FBXO34: variants seen among roughly 807,000 people sequenced by gnomAD.
FBXO34 encodes F-box only protein 34.
Under a neutral mutation model 24.5 loss-of-function variants are expected in FBXO34, and 12 were observed. That is an observed-to-expected ratio of 0.49 (90% CI 0.31 to 0.79). The LOEUF is 0.79. Among genes scored for constraint, FBXO34 ranks in the 30% least tolerant of loss-of-function variants. The pLI is 0.04. For synonymous variants in FBXO34, 320 were observed against 311.9 expected (o/e 1.03, Z -0.27); for missense variants, 823 against 857.7 (o/e 0.96, Z 0.51).
chr14:55,271,690 G>T (rs1881149495), intron 1 of FBXO34, among the ~76,000 whole-genome samples, 153 bp downstream of exon 1: 1 of 150,138 alleles, frequency 6.7e-6, no homozygotes, highest in Non-Finnish European at 1.5e-5. Context: ...CCGCCCGCGG[G>T]TCCGGGGTAG....
the FBXO34 span, among the ~76,000 whole-genome samples, chr14:55,403,083 T>A: frequency 6.7e-6 from 1 of 149,616 alleles, no homozygotes; most frequent in Non-Finnish European, 1.5e-5. Flanking sequence ...TCCTACACTA[T>A]ACTTTGGCCT....
intron 1 of FBXO34, among the ~76,000 whole-genome samples, chr14:55,291,688 T>C (rs2139678596): frequency 6.6e-6 from 1 of 151,936 alleles, no homozygotes; most frequent in East Asian, 1.9e-4. Flanking sequence ...CCCAACAAAT[T>C]AGACAGGTGT....
the FBXO34 span, among the ~76,000 whole-genome samples, chr14:55,406,645 C>T: frequency 6.6e-6 from 1 of 152,088 alleles, no homozygotes; most frequent in Non-Finnish European, 1.5e-5. Flanking sequence ...GCTATTAGAA[C>T]AATGGTCCTG....
chr14:55,412,701 G>A, the FBXO34 span, among the ~76,000 whole-genome samples: 2 of 152,152 alleles, frequency 1.3e-5, no homozygotes, highest in East Asian at 1.9e-4. Flanking sequence ...ATTTTACTAG[G>A]CTATCTACTG....
the FBXO34 span, among the ~76,000 whole-genome samples, chr14:55,412,773 TC>T: frequency 3.0e-4 from 45 of 152,294 alleles, no homozygotes; most frequent in Non-Finnish European, 4.6e-4. Context: ...TACCCAAAGA[TC>T]CAGAACTACT....
the FBXO34 span, chr14:55,411,796 G>C: frequency 6.3e-6 from 10 of 1,599,508 alleles, no homozygotes; most frequent in African/African-American, 6.7e-5. Context: ...CCAGCGCCCG[G>C]GCTCCCTTCC....
the FBXO34 span, chr14:55,424,335 G>A: frequency 2.4e-6 from 2 of 838,696 alleles, no homozygotes; most frequent in South Asian, 1.8e-5. Flanking sequence ...GTATATTAAA[G>A]TGCATATTAA....
At chr14:55,359,213 C>A (rs1364233943) in intron 3 of FBXO34, among the ~76,000 whole-genome samples, 4 of 152,136 alleles carry the variant, frequency 2.6e-5, no homozygotes, top group African/African-American at 9.7e-5. Context: ...CCCCCCAGCT[C>A]TTCTTCAGCT....
the FBXO34 span, chr14:55,377,919 A>C: frequency 2.5e-6 from 4 of 1,595,780 alleles, no homozygotes; most frequent in Non-Finnish European, 2.6e-6. Flanking sequence ...AAAAAATTAA[A>C]GAATTGGTTA....
chr14:55,411,317 C>T, the FBXO34 span, among the ~76,000 whole-genome samples: 1 of 152,232 alleles, frequency 6.6e-6, no homozygotes, highest in Non-Finnish European at 1.5e-5. Context: ...GAAAACTTCT[C>T]CAGAGAGTCA....
chr14:55,298,939 C>T, intron 1 of FBXO34: 1 of 1,581,816 alleles, frequency 6.3e-7, no homozygotes, highest in Non-Finnish European at 8.7e-7. Flanking sequence ...AACATGGGCT[C>T]TGCAGCCAAG....
chr14:55,322,345 C>G (rs936289432), intron 1 of FBXO34, among the ~76,000 whole-genome samples: 1 of 150,550 alleles, frequency 6.6e-6, no homozygotes, highest in Non-Finnish European at 1.5e-5. Context: ...CAAGCAACAA[C>G]AACAACAAAA....
the FBXO34 span, among the ~76,000 whole-genome samples, chr14:55,430,345 C>T: frequency 7.0e-6 from 1 of 142,774 alleles, no homozygotes; most frequent in Non-Finnish European, 1.5e-5. Context: ...CTTGGGTATT[C>T]GTTACTACAT....
chr14:55,336,985 T>A (rs201030962), intron 1 of FBXO34, among the ~76,000 whole-genome samples: 21,715 of 141,186 alleles, frequency 0.15, 4,480 homozygotes, highest in African/African-American at 0.46. Flanking sequence ...TTTTATTTTT[T>A]TTTTTTTTTT....
At chr14:55,393,632 C>A in the FBXO34 span, among the ~76,000 whole-genome samples, 1 of 151,306 alleles carries the variant, frequency 6.6e-6, no homozygotes, top group Non-Finnish European at 1.5e-5. Flanking sequence ...TTCAGCCTGA[C>A]CTCCCTGGCT....
At chr14:55,438,977 G>T in the FBXO34 span, 1 of 134,238 alleles carries the variant, frequency 7.4e-6, no homozygotes, top group Non-Finnish European at 1.5e-5. Flanking sequence ...TCACTCTGTC[G>T]CCCAGGCTGG....
downstream of FBXO34, chr14:55,369,153 A>G (rs554586111): frequency 1.3e-5 from 2 of 152,944 alleles, no homozygotes; most frequent in East Asian, 3.9e-4. Context: ...TGGCAGAAAA[A>G]CTCTTATTAA....
intron 1 of FBXO34, among the ~76,000 whole-genome samples, chr14:55,321,426 AGACAGGG>A (rs1883131777): frequency 6.8e-6 from 1 of 147,844 alleles, no homozygotes; most frequent in Admixed American, 6.7e-5. Flanking sequence ...TTTTTTTTGG[AGACAGGG>A]TCTCCCTCTG....
intron 1 of FBXO34, chr14:55,282,689 G>C (rs79486031): frequency 0.058 from 8,841 of 152,408 alleles, 326 homozygotes; most frequent in South Asian, 0.089. Context: ...AGCAGTTGCT[G>C]TGTTTTCTAC....
Sources: gnomAD v4.1 joint callset for allele counts (sites outside exome capture counted in the v4.1 genomes callset) on GRCh38, gnomAD v4.1.1 for gene constraint, MANE v1.5 for transcripts, NCBI Gene and HGNC (gene_info 2026-07-23, HGNC 2026-07-21) for gene names.